The following ALG8 variants were observed in gnomAD, a reference collection of about 807,000 sequenced individuals.
ALG8 encodes the protein ALG8 alpha-1,3-glucosyltransferase, also known as dolichyl pyrophosphate Glc1Man9GlcNAc2 alpha-1,3-glucosyltransferase.
A neutral mutation model predicts 70.2 loss-of-function variants in ALG8; 48 were observed. That is an observed-to-expected ratio of 0.68 (90% CI 0.54 to 0.87). The LOEUF (loss-of-function observed/expected upper bound fraction) is 0.87, where lower values mean the gene tolerates loss of function less well. ALG8 is among the 40% of genes least tolerant of loss of function. The pLI, the probability that ALG8 is intolerant of heterozygous loss-of-function variation, is 0.00. For missense variants in ALG8, 572 were observed against 608.7 expected (o/e 0.94, Z 0.64); for synonymous variants, 234 against 229.0 (o/e 1.02, Z -0.20).
intron 5 of ALG8, among the ~76,000 whole-genome samples, chr11:78,115,671 C>T (rs1403020161): frequency 2.0e-5 from 3 of 152,150 alleles, no homozygotes; most frequent in African/African-American, 7.2e-5. Context: ...AGGCATGAGC[C>T]ACTGCGACCA....
Position 78,138,045 on chromosome 11 carries a change from T to G in ALG8, c.95+1449A>C, listed in dbSNP as rs76325081. Among the ~76,000 whole-genome samples the G allele has an allele frequency of 4.6e-5, 7 of 152,252 alleles. No homozygotes were observed. The East Asian group carries it at 1.4e-3, about 29-fold the overall frequency. ...CATTCTTAACCTGGACCAAGAGCAG[T>G]ATTCAAAATAACAACTCTGGCCAGG... On this transcript the variant is annotated intron_variant, in intron 1 of 12. Transcript: ENST00000299626.
rs755110552 is a variant in ALG8 at position 78,139,605 on chromosome 11, G to A, written c.-17C>T. On this transcript the variant is annotated 5_prime_UTR_variant, in exon 1 of 13. Transcript: ENST00000299626. ...CGCCGCCATTGCTGCGGCACCGCAC[G>A]CTTCCCACCAACTTGATCCACATCC... The A allele has an allele frequency of 4.5e-5, 70 of 1,551,266 alleles. No homozygotes were observed. The highest frequency in any genetic ancestry group is 5.9e-5 in the South Asian group (5 of 84,082).
chr11:78,117,987 C>T (rs1340383522), intron 5 of ALG8, among the ~76,000 whole-genome samples: 1 of 150,170 alleles, frequency 6.7e-6, no homozygotes, highest in Non-Finnish European at 1.5e-5. Flanking sequence ...GGGAGAATGG[C>T]GTGAACCCAG....
chr11:78,131,766 CTG>C (rs1225829455), intron 1 of ALG8, among the ~76,000 whole-genome samples: 1 of 152,102 alleles, frequency 6.6e-6, no homozygotes, highest in African/African-American at 2.4e-5. Flanking sequence ...GCACCCAGCC[CTG>C]TCTCTAAAAA....
intron 1 of ALG8, among the ~76,000 whole-genome samples, chr11:78,127,822 G>T (rs1010448113): frequency 6.6e-6 from 1 of 150,512 alleles, no homozygotes; most frequent in African/African-American, 2.5e-5. Flanking sequence ...CGAGTCTCCT[G>T]TCTCAGCCTC....
intron 1 of ALG8, among the ~76,000 whole-genome samples, chr11:78,128,755 T>A (rs1458789653): frequency 6.6e-6 from 1 of 151,620 alleles, no homozygotes; most frequent in East Asian, 2.0e-4. Flanking sequence ...GGACTACAGG[T>A]GCGCGGCACC....
chr11:78,121,258 T>A (rs1565355636), intron 3 of ALG8, 84 bp from the exon 4 acceptor site: 3 of 980,198 alleles, frequency 3.1e-6, no homozygotes, highest in Non-Finnish European at 1.6e-6. Flanking sequence ...TATGATACAT[T>A]AGTCATTCCT....
At chr11:78,121,734 T>A (rs763297108) in intron 3 of ALG8, among the ~76,000 whole-genome samples, 1 of 152,130 alleles carries the variant, frequency 6.6e-6, no homozygotes, top group Non-Finnish European at 1.5e-5. Flanking sequence ...ATTATTTCAG[T>A]CCTTAAGAGT....
rs879920662 is a variant in ALG8, at chr11:78,103,465, C to CA, written c.1349+514dup. On this transcript the variant is annotated intron_variant, in intron 12 of 12. Coordinates refer to ENST00000299626, the MANE Select transcript of ALG8 (RefSeq NM_024079.5). ...GGCGACAAGAGTGAAACTCCGTCTC[C>CA]AAAAAAAAAAAAATTAGCTGGGCAT... 154 of 131,892 alleles carry CA rather than the reference C, an allele frequency of 1.2e-3. 2 individuals carry two copies. Among genetic ancestry groups the CA allele is most frequent in the South Asian group, 0.01 (43 of 4,122 alleles). The allele number at this position is 131,892 out of a possible 1,614,324, so 8.2% of individuals were successfully genotyped here.
rs181948065 is a variant in ALG8 at position 78,124,198 on chromosome 11, G to A, written c.191C>T (p.Thr64Met). The A allele has an allele frequency of 4.3e-5, 69 of 1,614,126 alleles. 1 individual carries two copies. In the Middle Eastern group the frequency reaches 9.9e-4, roughly 23 times the overall value. Residue 64 changes from threonine (T) to methionine (M), a missense_variant, in exon 3 of 13, where the codon ACG (threonine) becomes ATG (methionine). Coordinates refer to ENST00000299626, the MANE Select transcript of ALG8 (RefSeq NM_024079.5). The part of the protein sequence containing the change: ...QWYYEATSEW[T>M]LDYPPFFAWF... Reference sequence around the variant, plus strand: ...TGCAAAGAAAGGGGGGTAATCCAACGTCCACTCTGAAGTTGCCTGTGATAA... The same window carrying A: ...TGCAAAGAAAGGGGGGTAATCCAACATCCACTCTGAAGTTGCCTGTGATAA...
At chr11:78,129,278 G>A (rs1028516449) in intron 1 of ALG8, among the ~76,000 whole-genome samples, 1 of 151,884 alleles carries the variant, frequency 6.6e-6, no homozygotes, top group African/African-American at 2.4e-5. Flanking sequence ...AAATTAGCTG[G>A]GTGTGGTGGT....
intron 1 of ALG8, among the ~76,000 whole-genome samples, chr11:78,133,721 A>G (rs1861412050): frequency 6.6e-6 from 1 of 152,066 alleles, no homozygotes; most frequent in South Asian, 2.1e-4. Context: ...TAACATGGTG[A>G]AACCCCATCT....
chr11:78,104,563 T>C (rs1174593543), intron 10 of ALG8, 110 bp from the exon 11 acceptor site: 1 of 1,017,148 alleles, frequency 9.8e-7, no homozygotes, highest in Non-Finnish European at 1.4e-6. Flanking sequence ...TAGAAGAACA[T>C]GCTGATTTTG....
chr11:78,131,288 CT>C (rs373019964), intron 1 of ALG8, among the ~76,000 whole-genome samples: 18 of 146,210 alleles, frequency 1.2e-4, no homozygotes, highest in African/African-American at 4.7e-4. Context: ...ATAGTAACTA[CT>C]TTTTTAAATT....
chr11:78,132,996 C>T (rs971887877), intron 1 of ALG8, among the ~76,000 whole-genome samples: 5 of 151,996 alleles, frequency 3.3e-5, no homozygotes, highest in African/African-American at 9.7e-5. Context: ...ACCACCACAC[C>T]CGGCTAATTT....
At chr11:78,106,486 C>T (rs551484083) in intron 10 of ALG8, among the ~76,000 whole-genome samples, 16 of 152,248 alleles carry the variant, frequency 1.1e-4, no homozygotes, top group African/African-American at 2.6e-4. Flanking sequence ...CGTGAGCTAC[C>T]GCGCCCGGCC....
rs577871185 is a variant in ALG8, at chr11:78,105,109, G to C, written c.1179-656C>G. On this transcript the variant is annotated intron_variant, in intron 10 of 12. Transcript: ENST00000299626. ...TTCCAACCCTATAGCTCATCTCTTGGACAATGCCCTTCACCTGCTGGTGTT... is the reference window on the plus strand; with the variant it reads ...TTCCAACCCTATAGCTCATCTCTTGCACAATGCCCTTCACCTGCTGGTGTT... Among the ~76,000 whole-genome samples the C allele has an allele frequency of 9.2e-5, 14 of 152,242 alleles. No homozygotes were observed. The South Asian group carries it at 2.9e-3, about 32-fold the overall frequency.
intron 12 of ALG8, among the ~76,000 whole-genome samples, chr11:78,102,525 T>A (rs539017765): frequency 6.6e-6 from 1 of 152,230 alleles, no homozygotes; most frequent in Non-Finnish European, 1.5e-5. Context: ...TGTACAAGTA[T>A]CTGTTGAGTC....
chr11:78,115,295 A>G (rs1860506328), intron 5 of ALG8, among the ~76,000 whole-genome samples: 1 of 151,986 alleles, frequency 6.6e-6, no homozygotes, highest in South Asian at 2.1e-4. Context: ...CGGCCTCCCA[A>G]AGTGCTGGGA....
Sources: allele counts gnomAD v4.1 joint callset (sites outside exome capture counted in the v4.1 genomes callset), GRCh38; gene constraint gnomAD v4.1.1; transcripts MANE v1.5; gene names NCBI Gene and HGNC (gene_info 2026-07-23, HGNC 2026-07-21).